The following MRPS27 variants were observed in gnomAD, a reference collection of about 807,000 sequenced individuals.
MRPS27 encodes small ribosomal subunit protein mS27.
MRPS27 carries 43 observed loss-of-function variants against 48.9 expected under a neutral mutation model. The observed-to-expected ratio is 0.88, with a 90% CI of 0.69 to 1.13. The LOEUF is 1.13. MRPS27 is among the 50% of genes most tolerant of loss of function. The pLI, the probability that MRPS27 is intolerant of heterozygous loss-of-function variation, is 0.00. For synonymous variants in MRPS27, 188 were observed against 171.9 expected, an observed-to-expected ratio of 1.09 and a Z score of -0.73; for missense variants, 467 against 476.3, an observed-to-expected ratio of 0.98 and a Z score of 0.18.
At chr5:72,263,206 C>G (rs191324579) in intron 4 of MRPS27, among the ~76,000 whole-genome samples, 1 of 152,190 alleles carries the variant, frequency 6.6e-6, no homozygotes, top group African/African-American at 2.4e-5. Flanking sequence ...AACATTAGAC[C>G]ATAAGACCTT....
intron 2 of MRPS27, among the ~76,000 whole-genome samples, chr5:72,306,545 T>C (rs1484060147): frequency 6.6e-6 from 1 of 152,230 alleles, no homozygotes; most frequent in Non-Finnish European, 1.5e-5. Flanking sequence ...AGACCTGTTT[T>C]GTTCAATAAA....
chr5:72,317,826 C>A (rs1281938162), intron 1 of MRPS27, among the ~76,000 whole-genome samples: 1 of 152,074 alleles, frequency 6.6e-6, no homozygotes, highest in Non-Finnish European at 1.5e-5. Context: ...TCTAGAATAC[C>A]CCCTCAAATA....
chr5:72,253,031 G>A (rs1259946730), intron 4 of MRPS27, among the ~76,000 whole-genome samples: 1 of 152,134 alleles, frequency 6.6e-6, no homozygotes, highest in Non-Finnish European at 1.5e-5. Flanking sequence ...AAGACTTCCC[G>A]TCAATCCTCC....
chr5:72,247,482 CA>C (rs1748538330), intron 4 of MRPS27, among the ~76,000 whole-genome samples: 2 of 152,200 alleles, frequency 1.3e-5, no homozygotes, highest in South Asian at 4.1e-4. Flanking sequence ...TCCATTCCCC[CA>C]CCATATGGTA....
intron 6 of MRPS27, 106 bp downstream of exon 6, chr5:72,234,013 G>A: frequency 1.6e-6 from 2 of 1,221,836 alleles, no homozygotes; most frequent in Non-Finnish European, 2.1e-6. Context: ...AACGAGTAAT[G>A]AAGAGATGTT....
At position 72,264,035 on chromosome 5, in the gene MRPS27, T is replaced by C. The variant is rs1749047005; in HGVS notation, c.282-25907A>G. Among the ~76,000 whole-genome samples, 3 of 152,112 alleles carry C rather than the reference T, an allele frequency of 2.0e-5. No homozygotes were observed. In the South Asian group the frequency reaches 6.2e-4, roughly 32 times the overall value. On this transcript the variant is annotated intron_variant, in intron 4 of 10. Transcript: ENST00000261413. ...GAGTGAATAAATAAAATGTAGTATA[T>C]ACATACAAAGGAATATTATTCCACT...
chr5:72,271,259 A>G (rs1171174398), intron 4 of MRPS27, among the ~76,000 whole-genome samples: 1 of 152,232 alleles, frequency 6.6e-6, no homozygotes. Flanking sequence ...AACAATTACT[A>G]GCATGAATAA....
chr5:72,268,607 C>T (rs1054012527), intron 4 of MRPS27, among the ~76,000 whole-genome samples: 7 of 152,054 alleles, frequency 4.6e-5, no homozygotes, highest in African/African-American at 1.7e-4. Flanking sequence ...AGAGAAGAAC[C>T]CCAAACTTCA....
At chr5:72,259,412 G>A (rs1344288314) in intron 4 of MRPS27, among the ~76,000 whole-genome samples, 1 of 148,650 alleles carries the variant, frequency 6.7e-6, no homozygotes, top group African/African-American at 2.5e-5. Flanking sequence ...AGGTTGCAGT[G>A]AGCCAAGATC....
chr5:72,275,628 A>C (rs1749353588), intron 4 of MRPS27, among the ~76,000 whole-genome samples: 1 of 152,230 alleles, frequency 6.6e-6, no homozygotes, highest in Non-Finnish European at 1.5e-5. Context: ...TGAACACTCA[A>C]ACAAAGGATT....
intron 7 of MRPS27, chr5:72,228,746 C>T (rs1747966949): frequency 6.1e-6 from 1 of 163,176 alleles, no homozygotes; most frequent in African/African-American, 2.4e-5. Flanking sequence ...AATCAAGATT[C>T]AACATGCTGT....
chr5:72,313,420 C>T (rs545861769), intron 2 of MRPS27, among the ~76,000 whole-genome samples: 37 of 152,116 alleles, frequency 2.4e-4, no homozygotes, highest in African/African-American at 7.5e-4. Flanking sequence ...ATTAATGTTC[C>T]GATGATGTTA....
At chr5:72,287,892 C>T (rs1453546617) in intron 4 of MRPS27, among the ~76,000 whole-genome samples, 1 of 152,228 alleles carries the variant, frequency 6.6e-6, no homozygotes, top group Non-Finnish European at 1.5e-5. Context: ...ATGCTCCAAT[C>T]ATTCTACCCC....
intron 2 of MRPS27, among the ~76,000 whole-genome samples, chr5:72,305,424 C>G (rs1334013389): frequency 1.3e-5 from 2 of 152,156 alleles, no homozygotes; most frequent in African/African-American, 4.8e-5. Context: ...AAAACTAAAT[C>G]TCAGCTAAAA....
intron 4 of MRPS27, among the ~76,000 whole-genome samples, chr5:72,289,158 C>T (rs187619878): frequency 1.3e-5 from 2 of 152,310 alleles, no homozygotes; most frequent in Admixed American, 6.5e-5. Context: ...CTGGGATCTG[C>T]CAGGTTGGCT....
At chr5:72,266,859 C>T (rs1456048116) in intron 4 of MRPS27, among the ~76,000 whole-genome samples, 2 of 137,492 alleles carry the variant, frequency 1.5e-5, no homozygotes, top group African/African-American at 5.4e-5. Context: ...GATTTCGTCT[C>T]AAAAAAAAAA....
intron 4 of MRPS27, among the ~76,000 whole-genome samples, chr5:72,244,700 T>G (rs1748459969): frequency 6.6e-6 from 1 of 151,832 alleles, no homozygotes; most frequent in South Asian, 2.1e-4. Flanking sequence ...TTTTTTTAAG[T>G]AGAGACGGAA....
intron 4 of MRPS27, among the ~76,000 whole-genome samples, chr5:72,246,168 T>C (rs1030070013): frequency 6.6e-6 from 1 of 152,240 alleles, no homozygotes; most frequent in African/African-American, 2.4e-5. Context: ...TAAGACTGCA[T>C]AAATACCCAT....
chr5:72,222,555 G>C (rs2111928531), intron 10 of MRPS27: 1 of 152,344 alleles, frequency 6.6e-6, no homozygotes, highest in East Asian at 1.9e-4. Flanking sequence ...AGAAACAAGA[G>C]AAGGAAGTTT....
Sources: allele counts gnomAD v4.1 joint callset (sites outside exome capture counted in the v4.1 genomes callset), GRCh38; gene constraint gnomAD v4.1.1; transcripts MANE v1.5; gene names NCBI Gene and HGNC (gene_info 2026-07-23, HGNC 2026-07-21).